Variants in TBL1XR1 observed in about 807,000 individuals in gnomAD.
TBL1XR1 encodes the protein F-box-like/WD repeat-containing protein TBL1XR1.
A neutral mutation model predicts 66.9 loss-of-function variants in TBL1XR1; 5 were observed. The ratio of observed to expected loss-of-function variants is 0.07; its 90% CI spans 0.04 to 0.16. The LOEUF is 0.16. TBL1XR1 is among the 10% of genes least tolerant of loss of function. TBL1XR1 has a pLI of 1.00. For missense variants in TBL1XR1, 238 were observed against 623.2 expected (o/e 0.38, Z 6.58); for synonymous variants, 210 against 206.0 (o/e 1.02, Z -0.17).
intron 1 of TBL1XR1, among the ~76,000 whole-genome samples, chr3:177,195,184 A>C (rs1036486597): frequency 9.2e-5 from 14 of 152,066 alleles, no homozygotes; most frequent in Non-Finnish European, 4.4e-5. Context: ...ATCTCAGTGC[A>C]GGATAGGGTT....
At chr3:177,144,253 A>C (rs1433158539) in intron 1 of TBL1XR1, among the ~76,000 whole-genome samples, 2 of 152,082 alleles carry the variant, frequency 1.3e-5, no homozygotes, top group Non-Finnish European at 2.9e-5. Flanking sequence ...TCTCAAAAAA[A>C]AACACAAAGT....
At chr3:177,180,933 A>T (rs1734744727) in intron 1 of TBL1XR1, among the ~76,000 whole-genome samples, 1 of 151,862 alleles carries the variant, frequency 6.6e-6, no homozygotes, top group Admixed American at 6.6e-5. Flanking sequence ...GGGTTTCACC[A>T]TGTTGGTCAG....
chr3:177,121,492 A>G (rs1726969346), intron 1 of TBL1XR1, among the ~76,000 whole-genome samples: 2 of 152,180 alleles, frequency 1.3e-5, no homozygotes, highest in African/African-American at 4.8e-5. Flanking sequence ...CTTCACACGC[A>G]TCTTTCTTTC....
intron 1 of TBL1XR1, among the ~76,000 whole-genome samples, chr3:177,156,649 T>C (rs1731559380): frequency 1.3e-5 from 2 of 151,706 alleles, no homozygotes; most frequent in South Asian, 4.1e-4. Context: ...AACAATTACA[T>C]GAGGACATAT....
intron 1 of TBL1XR1, among the ~76,000 whole-genome samples, chr3:177,114,639 A>T (rs1189929012): frequency 6.6e-6 from 1 of 152,046 alleles, no homozygotes; most frequent in Non-Finnish European, 1.5e-5. Flanking sequence ...CACATGACAA[A>T]AACATAATGT....
chr3:177,156,628 AAG>A (rs1283333779), intron 1 of TBL1XR1, among the ~76,000 whole-genome samples: 1 of 151,828 alleles, frequency 6.6e-6, no homozygotes, highest in Non-Finnish European at 1.5e-5. Context: ...GAATATAAAA[AAG>A]AATGCCACAA....
intron 12 of TBL1XR1, among the ~76,000 whole-genome samples, chr3:177,036,825 A>G (rs946977116): frequency 2.2e-4 from 34 of 152,372 alleles, no homozygotes; most frequent in African/African-American, 7.7e-4. Context: ...CATGATTTTC[A>G]TATCTGTAAC....
chr3:177,166,471 G>C (rs907436132), intron 1 of TBL1XR1, among the ~76,000 whole-genome samples: 1 of 152,248 alleles, frequency 6.6e-6, no homozygotes, highest in Non-Finnish European at 1.5e-5. Context: ...CCCAGGTGCT[G>C]AGGGAAGGGC....
intron 1 of TBL1XR1, among the ~76,000 whole-genome samples, chr3:177,196,782 G>A (rs1006137575): frequency 1.3e-4 from 19 of 151,926 alleles, no homozygotes; most frequent in Admixed American, 7.2e-4. Flanking sequence ...AATGCACGAA[G>A]GGAGGAAGAG....
At chr3:177,106,222 A>T (rs1421462890) in intron 1 of TBL1XR1, among the ~76,000 whole-genome samples, 1 of 152,222 alleles carries the variant, frequency 6.6e-6, no homozygotes, top group Non-Finnish European at 1.5e-5. Context: ...ACAAAATTTT[A>T]AGTAGTAGGC....
chr3:177,178,445 GA>G (rs566067179), intron 1 of TBL1XR1, among the ~76,000 whole-genome samples: 3 of 146,676 alleles, frequency 2.0e-5, no homozygotes, highest in Non-Finnish European at 3.0e-5. Flanking sequence ...CACTTTATGA[GA>G]AAAAAAAAGG....
At chr3:177,171,853 T>TA (rs915599532) in intron 1 of TBL1XR1, among the ~76,000 whole-genome samples, 53 of 151,970 alleles carry the variant, frequency 3.5e-4, no homozygotes, top group Middle Eastern at 3.4e-3. Context: ...AGAAACTGCT[T>TA]AAAAAATCAA....
chr3:177,174,127 T>C (rs1051926967), intron 1 of TBL1XR1, among the ~76,000 whole-genome samples: 4 of 152,114 alleles, frequency 2.6e-5, no homozygotes, highest in African/African-American at 4.8e-5. Context: ...GTTATTATGA[T>C]GACAGGCCGG....
chr3:177,036,617 G>GC (rs1714824339), intron 12 of TBL1XR1, among the ~76,000 whole-genome samples: 1 of 152,226 alleles, frequency 6.6e-6, no homozygotes, highest in South Asian at 2.1e-4. Flanking sequence ...CATGTTATAA[G>GC]CATTAATACG....
intron 1 of TBL1XR1, among the ~76,000 whole-genome samples, chr3:177,138,635 G>T (rs138294111): frequency 6.6e-6 from 1 of 152,118 alleles, no homozygotes; most frequent in Non-Finnish European, 1.5e-5. Context: ...ATTGTTGCCA[G>T]GTAAGGCTTT....
intron 1 of TBL1XR1, among the ~76,000 whole-genome samples, chr3:177,182,188 A>C (rs1734906787): frequency 6.6e-6 from 1 of 152,106 alleles, no homozygotes; most frequent in African/African-American, 2.4e-5. Context: ...GGAGTTCAAG[A>C]CCAGCCTGGG....
intron 2 of TBL1XR1, among the ~76,000 whole-genome samples, chr3:177,098,193 C>A (rs1723736592): frequency 1.3e-5 from 2 of 150,386 alleles, no homozygotes; most frequent in African/African-American, 4.9e-5. Flanking sequence ...GCCTGGCCAA[C>A]AAGAACGAAA....
At chr3:177,167,501 C>CT (rs1732964839) in intron 1 of TBL1XR1, among the ~76,000 whole-genome samples, 1 of 152,242 alleles carries the variant, frequency 6.6e-6, no homozygotes, top group Non-Finnish European at 1.5e-5. Context: ...ATGATGTCAA[C>CT]TTAGGTTCAT....
intron 1 of TBL1XR1, among the ~76,000 whole-genome samples, chr3:177,127,900 A>C (rs1055627726): frequency 1.3e-5 from 2 of 152,182 alleles, no homozygotes; most frequent in African/African-American, 4.8e-5. Flanking sequence ...AACATTTACT[A>C]TCAGTTATCA....
Sources: allele counts gnomAD v4.1 joint callset (sites outside exome capture counted in the v4.1 genomes callset), GRCh38; gene constraint gnomAD v4.1.1; transcripts MANE v1.5; gene names NCBI Gene and HGNC (gene_info 2026-07-23, HGNC 2026-07-21).